FRMD5: variants seen among roughly 807,000 people sequenced by gnomAD.
The protein encoded by FRMD5 is FERM domain containing 5.
FRMD5 carries 20 observed loss-of-function variants against 69.0 expected under a neutral mutation model. The ratio of observed to expected loss-of-function variants is 0.29; its 90% confidence interval spans 0.20 to 0.42. The LOEUF (loss-of-function observed/expected upper bound fraction) is 0.42, where lower values mean the gene tolerates loss of function less well. Among genes scored for constraint, FRMD5 ranks in the 10% least tolerant of loss-of-function variants. The pLI, the probability that FRMD5 is intolerant of heterozygous loss-of-function variation, is 1.00. For synonymous variants in FRMD5, 271 were observed against 260.1 expected, an observed-to-expected ratio of 1.04 and a Z score of -0.40; for missense variants, 595 against 708.6, an observed-to-expected ratio of 0.84 and a Z score of 1.82.
At chr15:44,087,229 A>G (rs1001627768) in intron 1 of FRMD5, among the ~76,000 whole-genome samples, 8 of 152,302 alleles carry the variant, frequency 5.3e-5, no homozygotes, top group East Asian at 1.9e-4. Context: ...CATGTTGGCC[A>G]GGCTGGCCTC....
intron 1 of FRMD5, among the ~76,000 whole-genome samples, chr15:44,121,053 A>C (rs932610860): frequency 2.0e-5 from 3 of 152,130 alleles, no homozygotes; most frequent in Admixed American, 6.5e-5. Flanking sequence ...AGAGTGAGAA[A>C]TGAGAAGTTC....
At chr15:44,113,776 T>C (rs1595478633) in intron 1 of FRMD5, among the ~76,000 whole-genome samples, 2 of 152,164 alleles carry the variant, frequency 1.3e-5, no homozygotes, top group African/African-American at 4.8e-5. Flanking sequence ...TCACTTATAT[T>C]CTCTGATCAT....
At position 43,885,682 on chromosome 15, in the gene FRMD5, T is replaced by C; in HGVS notation, c.958A>G (p.Ser320Gly). 1 of 1,612,960 alleles carries C rather than the reference T, an allele frequency of 6.2e-7. No homozygotes were observed. Among genetic ancestry groups the C allele is most frequent in the Non-Finnish European group, 8.5e-7 (1 of 1,178,914 alleles). Residue 320 changes from serine to glycine, a missense_variant and splice_region_variant, in exon 11 of 14, where the codon AGT becomes GGT. Transcript: ENST00000417257. ...TGGTTACTTACTGTCACTATTTACC[T>C]GTATCGGAACCGGCTCCCTTTAAAG... ...LFFKGSRFRY[S>G]GRVAKEVMES... is the part of the protein sequence containing the mutation.
intron 1 of FRMD5, among the ~76,000 whole-genome samples, chr15:44,110,825 A>G (rs181794573): frequency 1.3e-3 from 191 of 152,346 alleles, no homozygotes; most frequent in Non-Finnish European, 2.1e-3. Flanking sequence ...TTGCAAAATG[A>G]AGATAATAGT....
intron 8 of FRMD5, among the ~76,000 whole-genome samples, chr15:43,890,484 C>A (rs959199724): frequency 6.6e-6 from 1 of 152,210 alleles, no homozygotes; most frequent in Non-Finnish European, 1.5e-5. Context: ...CCTCACCCAA[C>A]AGCTACTCTG....
intron 1 of FRMD5, among the ~76,000 whole-genome samples, chr15:44,185,082 T>C (rs2078076291): frequency 6.6e-6 from 1 of 152,242 alleles, no homozygotes; most frequent in Non-Finnish European, 1.5e-5. Context: ...AAGATAAATT[T>C]AAAAGTAAGC....
chr15:44,027,449 C>T (rs1336867571), intron 1 of FRMD5, among the ~76,000 whole-genome samples: 1 of 152,120 alleles, frequency 6.6e-6, no homozygotes, highest in Non-Finnish European at 1.5e-5. Flanking sequence ...CCCAAATCTT[C>T]ATGTTTATAA....
At chr15:44,038,745 C>G (rs775340729) in intron 1 of FRMD5, among the ~76,000 whole-genome samples, 1 of 151,838 alleles carries the variant, frequency 6.6e-6, no homozygotes, top group Non-Finnish European at 1.5e-5. Flanking sequence ...CCGGGAAGCA[C>G]GAGGGGTCAG....
At chr15:44,118,860 C>T (rs972026413) in intron 1 of FRMD5, among the ~76,000 whole-genome samples, 11 of 152,200 alleles carry the variant, frequency 7.2e-5, no homozygotes, top group African/African-American at 1.7e-4. Context: ...ACTGCAGCCT[C>T]GACCTCCTGT....
At chr15:44,041,174 T>C (rs922509929) in intron 1 of FRMD5, among the ~76,000 whole-genome samples, 98 of 152,172 alleles carry the variant, frequency 6.4e-4, no homozygotes, top group African/African-American at 2.2e-3. Context: ...ATGTACCCAA[T>C]ATAGGAGCAC....
chr15:44,171,335 A>G (rs1420299113), intron 1 of FRMD5, among the ~76,000 whole-genome samples: 1 of 152,220 alleles, frequency 6.6e-6, no homozygotes, highest in East Asian at 1.9e-4. Flanking sequence ...TTCTATTTCC[A>G]GCCAGTTCAT....
chr15:43,923,139 C>T (rs549007100), intron 2 of FRMD5, among the ~76,000 whole-genome samples: 8 of 152,278 alleles, frequency 5.3e-5, no homozygotes, highest in Admixed American at 1.3e-4. Flanking sequence ...GGCAAATGGA[C>T]GTAAGAAATA....
At chr15:43,954,150 GC>G (rs1368563355) in intron 1 of FRMD5, among the ~76,000 whole-genome samples, 2 of 152,188 alleles carry the variant, frequency 1.3e-5, no homozygotes, top group Non-Finnish European at 2.9e-5. Flanking sequence ...TCAGGAAAGG[GC>G]TATTCAGTTT....
intron 1 of FRMD5, among the ~76,000 whole-genome samples, chr15:44,099,070 A>G (rs1224938195): frequency 6.6e-6 from 1 of 152,210 alleles, no homozygotes; most frequent in Admixed American, 6.5e-5. Flanking sequence ...TGGGTGTTAC[A>G]TGGTTTCTGC....
chr15:43,991,281 A>C (rs1889663841), intron 1 of FRMD5, among the ~76,000 whole-genome samples: 2 of 152,194 alleles, frequency 1.3e-5, no homozygotes, highest in African/African-American at 4.8e-5. Context: ...GCTAAAGGGC[A>C]TTAGATTATG....
chr15:43,937,871 C>T (rs978780837), intron 1 of FRMD5, among the ~76,000 whole-genome samples: 1 of 152,088 alleles, frequency 6.6e-6, no homozygotes, highest in Admixed American at 6.5e-5. Flanking sequence ...TGAATGTTGA[C>T]CACTGCCAAC....
At chr15:44,065,099 C>A (rs1893254081) in intron 1 of FRMD5, among the ~76,000 whole-genome samples, 1 of 152,196 alleles carries the variant, frequency 6.6e-6, no homozygotes, top group Non-Finnish European at 1.5e-5. Flanking sequence ...CAATGTGTGA[C>A]CTTGGGCAAA....
At chr15:43,897,864 TAGTG>T (rs2088952305) in intron 7 of FRMD5, among the ~76,000 whole-genome samples, 1 of 152,270 alleles carries the variant, frequency 6.6e-6, no homozygotes, top group South Asian at 2.1e-4. Context: ...GTTCTCATGA[TAGTG>T]AGGGAGTTCT....
chr15:44,000,703 A>AC (rs1398993156), intron 1 of FRMD5, among the ~76,000 whole-genome samples: 2 of 151,978 alleles, frequency 1.3e-5, no homozygotes, highest in Admixed American at 1.3e-4. Flanking sequence ...CAGGTGATCC[A>AC]CCCACCTTGG....
Sources: gnomAD v4.1 joint callset for allele counts (sites outside exome capture counted in the v4.1 genomes callset) on GRCh38, gnomAD v4.1.1 for gene constraint, MANE v1.5 for transcripts, NCBI Gene and HGNC (gene_info 2026-07-23, HGNC 2026-07-21) for gene names.